KIAA0753: variants seen among roughly 807,000 people sequenced by gnomAD.
KIAA0753 encodes the protein KIAA0753, also known as protein moonraker.
Under a neutral mutation model 116.9 loss-of-function variants are expected in KIAA0753, and 114 were observed. That is an observed-to-expected ratio of 0.98 (90% CI 0.84 to 1.14). The LOEUF (loss-of-function observed/expected upper bound fraction) is 1.14, where lower values mean the gene tolerates loss of function less well. Among genes scored for constraint, KIAA0753 ranks in the 50% most tolerant of loss-of-function variants. The pLI, the probability that KIAA0753 is intolerant of heterozygous loss-of-function variation, is 0.00. For missense variants in KIAA0753, 1,156 were observed against 1,172.4 expected (o/e 0.99, Z 0.20); for synonymous variants, 405 against 413.1 (o/e 0.98, Z 0.24).
chr17:6,582,910 C>T (rs1968286079), intron 18 of KIAA0753, among the ~76,000 whole-genome samples: 1 of 152,200 alleles, frequency 6.6e-6, no homozygotes, highest in Non-Finnish European at 1.5e-5. Flanking sequence ...ACTATTGTTA[C>T]TGTATATTTT....
chr17:6,592,091 G>A (rs1460091076), intron 16 of KIAA0753, among the ~76,000 whole-genome samples: 1 of 152,222 alleles, frequency 6.6e-6, no homozygotes, highest in Non-Finnish European at 1.5e-5. Context: ...TGGCCTTGAA[G>A]AACAGCTTGA....
Position 6,596,567 on chromosome 17 carries a change from T to C in KIAA0753, c.2173-224A>G, listed in dbSNP as rs1182126651. 3.9e-5 allele frequency among the ~76,000 whole-genome samples: 6 copies of C among 152,252 alleles called. No individual in the cohort carries two copies. In the South Asian group the frequency reaches 6.2e-4, roughly 16 times the overall value. On this transcript the variant is annotated intron_variant, in intron 14 of 18. Coordinates refer to ENST00000361413, the MANE Select transcript of KIAA0753 (RefSeq NM_014804.3). ...ATTTTTATCACAGTCATTTAAATGA[T>C]AGCATTAACCAAGTAATACCATTAT...
Position 6,589,903 on chromosome 17 carries a change from G to A in KIAA0753, c.2662C>T (p.Pro888Ser). ...TGCATACCCGGTGGGACAAAGAGGG[G>A]AGCTCGGCCTTCTTTCTGTTGAGAA... ...EDSQQKEGRA[P>S]LFVPPGMQHS... is the part of the protein sequence containing the mutation. The change falls in exon 18 of 19, where the codon CCC (proline) becomes TCC (serine). Residue 888 changes from proline (P) to serine (S), a missense_variant. Coordinates refer to ENST00000361413, the MANE Select transcript of KIAA0753 (RefSeq NM_014804.3). 6.2e-7 allele frequency: 1 copy of A among 1,613,666 alleles called. No individual in the cohort carries two copies. Among genetic ancestry groups the A allele is most frequent in the Non-Finnish European group, 8.5e-7 (1 of 1,179,832 alleles).
In KIAA0753 at chr17:6,624,802, C is replaced by G. The variant is rs531022704; in HGVS notation, c.778G>C (p.Glu260Gln). 6.4e-7 allele frequency: 1 copy of G among 1,564,292 alleles called. No homozygotes were observed. The highest frequency in any genetic ancestry group is 8.7e-7 in the Non-Finnish European group (1 of 1,152,348). ...EERRIRIRRQ[E>Q]QAARSARMLY... is the part of the protein sequence containing the mutation. ...ATTCGGGCAGAGCGAGCAGCTTGCT[C>G]CTGTCTCCTGATACGGATTCGACGT... The change falls in exon 4 of 19, where the codon GAG becomes CAG. Residue 260 changes from glutamate to glutamine, a missense_variant. Physicochemically the swap from Glu to Gln is conservative, Grantham distance 29. Coordinates refer to ENST00000361413, the MANE Select transcript of KIAA0753 (RefSeq NM_014804.3).
chr17:6,615,632 A>AC (rs1261576324), intron 7 of KIAA0753, among the ~76,000 whole-genome samples: 3 of 151,492 alleles, frequency 2.0e-5, no homozygotes, highest in East Asian at 1.9e-4. Context: ...AAAAAAAAAA[A>AC]AAAAAAAAAA....
At chr17:6,628,859 T>G (rs751762598) in intron 2 of KIAA0753, 118 bp from the exon 3 acceptor site, 120 of 964,992 alleles carry the variant, frequency 1.2e-4, no homozygotes, top group Non-Finnish European at 1.7e-4. Flanking sequence ...CTAAGAGGCA[T>G]TTTTCTGTTT....
rs936765960 is a variant in KIAA0753, at chr17:6,609,679, T to C, written c.1712+315A>G. Among the ~76,000 whole-genome samples, 7 of 152,346 alleles carry C rather than the reference T, an allele frequency of 4.6e-5. No individual in the cohort carries two copies. In the East Asian group the frequency reaches 1.3e-3, roughly 29 times the overall value. On this transcript the variant is annotated intron_variant, in intron 9 of 18. Transcript: ENST00000361413. ...AAGAATATAAAAAAGACACAGTCCCTGGCCTCAAGTTACTAGAATCTATTG... is the reference window on the plus strand; with the variant it reads ...AAGAATATAAAAAAGACACAGTCCCCGGCCTCAAGTTACTAGAATCTATTG...
intron 1 of KIAA0753, chr17:6,636,448 C>T (rs1972325142): frequency 6.6e-6 from 1 of 152,124 alleles, no homozygotes; most frequent in South Asian, 2.1e-4. Context: ...CCATTCTCCA[C>T]TAGAAAAAAA....
intron 18 of KIAA0753, among the ~76,000 whole-genome samples, chr17:6,584,867 T>C (rs1384804605): frequency 6.6e-6 from 1 of 152,202 alleles, no homozygotes; most frequent in East Asian, 1.9e-4. Flanking sequence ...AGTGGTGCCA[T>C]CTCAGCTCAC....
rs1969477670 is a variant in KIAA0753, at chr17:6,596,275, A to G, written c.2241T>C (p.Ser747=). The G allele has an allele frequency of 1.2e-6, 2 of 1,613,472 alleles. No individual in the cohort carries two copies. Among genetic ancestry groups the G allele is most frequent in the African/African-American group, 1.3e-5 (1 of 74,786 alleles). Reference sequence around the variant, plus strand: ...TAGCATGAGTCACAGCCCAGAGCTCACTGGCACAATCTTCCAAAAAATCAT... The same window carrying G: ...TAGCATGAGTCACAGCCCAGAGCTCGCTGGCACAATCTTCCAAAAAATCAT... ...QLDDFLEDCA[S]ELWAVTHAKI... The change falls in exon 15 of 19, where the codon AGT becomes AGC. Residue 747 remains serine (S), a synonymous_variant. Transcript: ENST00000361413.
At chr17:6,580,871 T>C (rs1433849128) in intron 18 of KIAA0753, among the ~76,000 whole-genome samples, 1 of 149,264 alleles carries the variant, frequency 6.7e-6, no homozygotes, top group Non-Finnish European at 1.5e-5. Context: ...GGGAGGACAC[T>C]AGGGGACTCT....
At chr17:6,588,935 C>T (rs1276176227) in intron 18 of KIAA0753, among the ~76,000 whole-genome samples, 2 of 152,124 alleles carry the variant, frequency 1.3e-5, no homozygotes, top group Non-Finnish European at 2.9e-5. Flanking sequence ...AATCAGAGGC[C>T]TGCTACTGAT....
At chr17:6,621,064 A>C in intron 6 of KIAA0753, 66 bp from the exon 7 acceptor site, 1 of 1,472,126 alleles carries the variant, frequency 6.8e-7, no homozygotes, top group South Asian at 1.2e-5. Context: ...TAATCACAAA[A>C]CTGAAAATAA....
intron 9 of KIAA0753, 65 bp downstream of exon 9, chr17:6,609,929 C>A: frequency 6.4e-7 from 1 of 1,556,126 alleles, no homozygotes; most frequent in South Asian, 1.2e-5. Flanking sequence ...AGCTACAGGT[C>A]ACCTTTGATA....
chr17:6,636,522 G>A (rs145502625), intron 1 of KIAA0753: 6 of 152,162 alleles, frequency 3.9e-5, no homozygotes, highest in Non-Finnish European at 8.8e-5. Flanking sequence ...ACACACACAC[G>A]CACAAAGTCC....
At chr17:6,610,344 A>G (rs139505896) in intron 8 of KIAA0753, among the ~76,000 whole-genome samples, 184 bp from the exon 9 acceptor site, 54 of 131,602 alleles carry the variant, frequency 4.1e-4, no homozygotes, top group African/African-American at 5.7e-4. Context: ...CAACCATGGT[A>G]GGGGCGGGGG....
At chr17:6,617,629 G>GT (rs1340564072) in intron 7 of KIAA0753, among the ~76,000 whole-genome samples, 2 of 152,092 alleles carry the variant, frequency 1.3e-5, no homozygotes, top group Admixed American at 6.5e-5. Flanking sequence ...ATTTTGTTTT[G>GT]TTTTTTCTCT....
intron 2 of KIAA0753, among the ~76,000 whole-genome samples, chr17:6,632,528 T>G (rs72835766): frequency 0.099 from 15,009 of 152,102 alleles, 783 homozygotes; most frequent in African/African-American, 0.12. Context: ...AAAAACTGAT[T>G]CAGGCAAAAA....
At chr17:6,602,955 T>A (rs972672768) in intron 12 of KIAA0753, among the ~76,000 whole-genome samples, 1 of 152,136 alleles carries the variant, frequency 6.6e-6, no homozygotes, top group East Asian at 1.9e-4. Context: ...AATGTGTTAA[T>A]ATATTCAGAA....
Sources: gnomAD v4.1 joint callset for allele counts (sites outside exome capture counted in the v4.1 genomes callset) on GRCh38, gnomAD v4.1.1 for gene constraint, MANE v1.5 for transcripts, NCBI Gene and HGNC (gene_info 2026-07-23, HGNC 2026-07-21) for gene names.